FOXP1: variants seen among roughly 807,000 people sequenced by gnomAD.
FOXP1 encodes forkhead box protein P1.
A neutral mutation model predicts 98.2 loss-of-function variants in FOXP1; 15 were observed. That is an observed-to-expected ratio of 0.15 (90% CI 0.10 to 0.24). The LOEUF (loss-of-function observed/expected upper bound fraction) is 0.24, where lower values mean the gene tolerates loss of function less well. FOXP1 is among the 10% of genes least tolerant of loss of function. FOXP1 has a pLI of 1.00. For synonymous variants in FOXP1, 371 were observed against 314.5 expected, an observed-to-expected ratio of 1.18 and a Z score of -1.90; for missense variants, 633 against 848.5, an observed-to-expected ratio of 0.75 and a Z score of 3.15.
chr3:71,159,067 T>C (rs1345631738), intron 6 of FOXP1, among the ~76,000 whole-genome samples: 1 of 136,086 alleles, frequency 7.3e-6, no homozygotes, highest in Non-Finnish European at 1.5e-5. Flanking sequence ...ATTGCAACAC[T>C]GCACTTCAGC....
chr3:71,176,108 A>C (rs1436568161), intron 6 of FOXP1, among the ~76,000 whole-genome samples: 1 of 152,214 alleles, frequency 6.6e-6, no homozygotes, highest in Non-Finnish European at 1.5e-5. Flanking sequence ...TATTTTATCC[A>C]AATACATTTT....
intron 3 of FOXP1, among the ~76,000 whole-genome samples, chr3:71,453,789 T>C (rs973063398): frequency 1.3e-5 from 2 of 152,194 alleles, no homozygotes; most frequent in Admixed American, 6.5e-5. Flanking sequence ...TTTACAAATA[T>C]GTACTAAAGT....
chr3:71,047,281 C>T (rs1040888720), intron 9 of FOXP1, among the ~76,000 whole-genome samples, 186 bp from the exon 10 acceptor site: 57 of 152,116 alleles, frequency 3.7e-4, no homozygotes, highest in African/African-American at 1.3e-3. Context: ...GGGAGATGAG[C>T]GTGTTATCTT....
intron 3 of FOXP1, among the ~76,000 whole-genome samples, chr3:71,422,494 G>A (rs1291399845): frequency 6.6e-6 from 1 of 152,190 alleles, no homozygotes; most frequent in Admixed American, 6.5e-5. Flanking sequence ...GAGGGCATGG[G>A]GTCCCTCCCC....
rs540654653 is a variant in FOXP1 at position 71,518,926 on chromosome 3, G to T, written c.-297-25371C>A. On this transcript the variant is annotated intron_variant, in intron 2 of 20. Transcript: ENST00000649528. ...GAACTGGCAAGGCTCCCGAATAGAT[G>T]AAAGTGGTTACATAGCAGGGGATAA... Among the ~76,000 whole-genome samples the T allele has an allele frequency of 2.0e-5, 3 of 152,354 alleles. 1 individual carries two copies. In the East Asian group the frequency reaches 5.8e-4, roughly 29 times the overall value.
chr3:70,966,279 T>G (rs2107021556), intron 19 of FOXP1: 1 of 567,256 alleles, frequency 1.8e-6, no homozygotes, highest in East Asian at 3.2e-5. Context: ...GGGGACCAAG[T>G]GCCTGTGGGT....
chr3:71,022,010 C>CAT (rs1289746687), intron 11 of FOXP1, among the ~76,000 whole-genome samples: 1 of 152,186 alleles, frequency 6.6e-6, no homozygotes, highest in Non-Finnish European at 1.5e-5. Context: ...TTTGGTGTTA[C>CAT]ATCTCAGAAA....
intron 2 of FOXP1, among the ~76,000 whole-genome samples, chr3:71,558,397 G>A (rs1490135544): frequency 6.6e-6 from 1 of 152,196 alleles, no homozygotes; most frequent in African/African-American, 2.4e-5. Flanking sequence ...TCTACTCACA[G>A]GAATAAGCAA....
At chr3:71,178,896 CAAACAAACAAAAAAA>C (rs2062110525) in intron 6 of FOXP1, among the ~76,000 whole-genome samples, 1 of 147,110 alleles carries the variant, frequency 6.8e-6, no homozygotes, top group South Asian at 2.2e-4. Flanking sequence ...AAACAAAAAA[CAAACAAACAAAAAAA>C]AAACAAAAAT....
At chr3:71,442,421 C>G (rs1348467600) in intron 3 of FOXP1, among the ~76,000 whole-genome samples, 2 of 150,600 alleles carry the variant, frequency 1.3e-5, no homozygotes, top group East Asian at 3.9e-4. Flanking sequence ...CTAAAACACA[C>G]AAGGAGACAC....
rs117075976 is a variant in FOXP1 at position 71,468,827 on chromosome 3, T to A, written c.-168+24599A>T. Among the ~76,000 whole-genome samples the A allele has an allele frequency of 4.2e-4, 64 of 152,166 alleles. No homozygotes were observed. In the East Asian group the frequency reaches 0.01, roughly 24 times the overall value. On this transcript the variant is annotated intron_variant, in intron 3 of 20. Coordinates refer to ENST00000649528, the MANE Select transcript of FOXP1 (RefSeq NM_001349338.3). ...TTCACTGCTGACACAAGCATCAGTG[T>A]GAAAGGAGAAGCACCAGACAACTCC... is the stretch of plus-strand genomic sequence containing the variant.
intron 4 of FOXP1, among the ~76,000 whole-genome samples, chr3:71,316,880 T>C (rs1351885345): frequency 6.6e-6 from 1 of 152,032 alleles, no homozygotes; most frequent in East Asian, 1.9e-4. Flanking sequence ...ATGGTCTCTA[T>C]TTCCTAACCT....
intron 2 of FOXP1, among the ~76,000 whole-genome samples, chr3:71,509,513 G>A (rs2042047558): frequency 2.6e-5 from 4 of 151,988 alleles, no homozygotes; most frequent in Non-Finnish European, 2.9e-5. Context: ...GTCACATTCC[G>A]AGTGAGGTAC....
intron 5 of FOXP1, among the ~76,000 whole-genome samples, chr3:71,299,010 T>G (rs1056204606): frequency 5.9e-5 from 9 of 152,188 alleles, no homozygotes; most frequent in Non-Finnish European, 1.3e-4. Context: ...GAAACAAAGA[T>G]GCTACTGCTT....
intron 3 of FOXP1, among the ~76,000 whole-genome samples, chr3:71,374,742 T>C (rs1383899482): frequency 6.6e-6 from 1 of 152,240 alleles, no homozygotes; most frequent in Non-Finnish European, 1.5e-5. Context: ...TATCATAACC[T>C]GAAAGTAGCA....
In FOXP1 at chr3:71,478,980, CCA is replaced by C. The variant is rs1047826916; in HGVS notation, c.-168+14444_-168+14445del. ...TGAAAGAAAATGAAGTACACCATCCCCAGTGTTGTGTGTGTGGGCTCTGGCAC... is the reference window on the plus strand; with the variant it reads ...TGAAAGAAAATGAAGTACACCATCCCGTGTTGTGTGTGTGGGCTCTGGCAC... On this transcript the variant is annotated intron_variant, in intron 3 of 20. Transcript: ENST00000649528. Among the ~76,000 whole-genome samples the C allele has an allele frequency of 3.5e-4, 53 of 152,276 alleles. 2 individuals carry two copies. Among genetic ancestry groups the C allele is most frequent in the Non-Finnish European group, 8.8e-5 (6 of 68,008 alleles).
chr3:71,427,044 G>T (rs1296971938), intron 3 of FOXP1, among the ~76,000 whole-genome samples: 3 of 146,830 alleles, frequency 2.0e-5, no homozygotes, highest in African/African-American at 7.6e-5. Context: ...CTGGGTGACA[G>T]AGCGAGACTC....
chr3:71,437,571 C>A (rs777592427), intron 3 of FOXP1, among the ~76,000 whole-genome samples: 1 of 152,088 alleles, frequency 6.6e-6, no homozygotes, highest in Admixed American at 6.6e-5. Context: ...GAATGAGGTC[C>A]CATCACAGGA....
intron 2 of FOXP1, among the ~76,000 whole-genome samples, chr3:71,522,039 T>C (rs957513038): frequency 7.2e-5 from 11 of 152,142 alleles, no homozygotes; most frequent in Admixed American, 6.5e-4. Context: ...CCAGTTACTA[T>C]TACAAAGGGT....
Sources: gnomAD v4.1 joint callset for allele counts (sites outside exome capture counted in the v4.1 genomes callset) on GRCh38, gnomAD v4.1.1 for gene constraint, MANE v1.5 for transcripts, NCBI Gene and HGNC (gene_info 2026-07-23, HGNC 2026-07-21) for gene names.